Variants in TAFA4 observed in about 807,000 individuals in gnomAD.
TAFA4 encodes the protein TAFA chemokine like family member 4, also known as chemokine-like protein TAFA-4.
TAFA4 carries 20 observed loss-of-function variants against 21.1 expected under a neutral mutation model. The observed-to-expected ratio is 0.95, with a 90% confidence interval of 0.67 to 1.38. The LOEUF (loss-of-function observed/expected upper bound fraction) is 1.38. Among genes scored for constraint, TAFA4 ranks in the 40% most tolerant of loss-of-function variants. The pLI, the probability that TAFA4 is intolerant of heterozygous loss-of-function variation, is 0.00. For missense variants in TAFA4, 211 were observed against 180.9 expected (o/e 1.17, Z -0.95); for synonymous variants, 71 against 67.4 (o/e 1.05, Z -0.26).
intron 3 of TAFA4, among the ~76,000 whole-genome samples, chr3:68,832,198 T>A (rs1330614748): frequency 1.3e-5 from 2 of 152,192 alleles, no homozygotes; most frequent in African/African-American, 4.8e-5. Flanking sequence ...TCAAACTCAT[T>A]CTCTGTCCAG....
chr3:68,892,131 T>C (rs1350796258), intron 1 of TAFA4, among the ~76,000 whole-genome samples: 1 of 152,192 alleles, frequency 6.6e-6, no homozygotes, highest in Non-Finnish European at 1.5e-5. Context: ...TGATCACATA[T>C]GTGGAATTAC....
intron 3 of TAFA4, among the ~76,000 whole-genome samples, chr3:68,878,745 A>T (rs766251142): frequency 2.0e-5 from 3 of 152,142 alleles, no homozygotes; most frequent in Non-Finnish European, 2.9e-5. Flanking sequence ...AAAAACAACA[A>T]AACCTGTCTT....
At chr3:68,910,430 C>A (rs1440933117) in intron 1 of TAFA4, among the ~76,000 whole-genome samples, 1 of 152,134 alleles carries the variant, frequency 6.6e-6, no homozygotes, top group East Asian at 1.9e-4. Context: ...AGGATGTAAC[C>A]AGAGTCAGGT....
chr3:68,783,775 C>G (rs1209545282), intron 3 of TAFA4, among the ~76,000 whole-genome samples: 3 of 141,054 alleles, frequency 2.1e-5, no homozygotes, highest in African/African-American at 5.6e-5. Context: ...AACAAAGAAA[C>G]AAAGAAAAAG....
At chr3:68,912,236 C>T (rs1013918318) in intron 1 of TAFA4, among the ~76,000 whole-genome samples, 1 of 152,142 alleles carries the variant, frequency 6.6e-6, no homozygotes, top group African/African-American at 2.4e-5. Flanking sequence ...ACAGGGAAGA[C>T]CTGAAAACCA....
intron 4 of TAFA4, among the ~76,000 whole-genome samples, chr3:68,742,009 T>C (rs1045973625): frequency 4.6e-5 from 7 of 152,108 alleles, no homozygotes; most frequent in African/African-American, 1.7e-4. Context: ...GAACATCACA[T>C]TAAGAGGATC....
At chr3:68,733,767 T>G (rs1052391190) in intron 5 of TAFA4, among the ~76,000 whole-genome samples, 4 of 152,188 alleles carry the variant, frequency 2.6e-5, no homozygotes, top group African/African-American at 9.6e-5. Flanking sequence ...GACTTTAACA[T>G]GCCTACACCA....
intron 3 of TAFA4, among the ~76,000 whole-genome samples, chr3:68,804,182 G>A (rs969711259): frequency 5.3e-5 from 8 of 151,934 alleles, no homozygotes; most frequent in South Asian, 2.1e-4. Context: ...ACCCCTTAAG[G>A]AAAACATAAA....
intron 3 of TAFA4, among the ~76,000 whole-genome samples, chr3:68,807,527 A>G (rs1161518116): frequency 1.3e-5 from 2 of 151,880 alleles, no homozygotes; most frequent in Non-Finnish European, 2.9e-5. Flanking sequence ...GGAGTCCTGC[A>G]AAATGAAGAA....
At chr3:68,734,395 C>CGTAGTAT (rs1702203399) in intron 5 of TAFA4, among the ~76,000 whole-genome samples, 1 of 151,676 alleles carries the variant, frequency 6.6e-6, no homozygotes, top group Non-Finnish European at 1.5e-5. Flanking sequence ...TAAGGTAGTA[C>CGTAGTAT]GATACAGGAA....
chr3:68,745,546 A>G (rs569306570), intron 4 of TAFA4, among the ~76,000 whole-genome samples: 1 of 152,194 alleles, frequency 6.6e-6, no homozygotes, highest in Non-Finnish European at 1.5e-5. Flanking sequence ...ATAAAAAGAC[A>G]GTGACGCCCT....
At chr3:68,806,942 C>G (rs1703715057) in intron 3 of TAFA4, among the ~76,000 whole-genome samples, 1 of 152,168 alleles carries the variant, frequency 6.6e-6, no homozygotes, top group Admixed American at 6.6e-5. Context: ...AAGGCATTTA[C>G]TGAGTGCTAA....
At chr3:68,887,513 C>T (rs1236290784) in intron 1 of TAFA4, among the ~76,000 whole-genome samples, 1 of 152,100 alleles carries the variant, frequency 6.6e-6, no homozygotes, top group Non-Finnish European at 1.5e-5. Context: ...TGTGGTGGCT[C>T]CTCCCTTGTA....
intron 4 of TAFA4, among the ~76,000 whole-genome samples, chr3:68,751,856 CAA>C (rs1406048432): frequency 6.6e-6 from 1 of 152,132 alleles, no homozygotes; most frequent in Admixed American, 6.5e-5. Context: ...AAAATATGAG[CAA>C]AGTCTGAATT....
At chr3:68,746,695 T>G (rs1054038288) in intron 4 of TAFA4, among the ~76,000 whole-genome samples, 1 of 152,178 alleles carries the variant, frequency 6.6e-6, no homozygotes, top group African/African-American at 2.4e-5. Context: ...GTTCACACAT[T>G]CTGCAAGTAA....
chr3:68,765,737 GGACACATCAGCTGTT>G (rs1702841232), intron 3 of TAFA4, among the ~76,000 whole-genome samples: 1 of 152,160 alleles, frequency 6.6e-6, no homozygotes, highest in Non-Finnish European at 1.5e-5. Flanking sequence ...GTACAGAAGT[GGACACATCAGCTGTT>G]GACAGACATT....
intron 3 of TAFA4, among the ~76,000 whole-genome samples, chr3:68,870,567 A>C (rs770187661): frequency 5.3e-5 from 8 of 151,978 alleles, no homozygotes; most frequent in Non-Finnish European, 8.8e-5. Flanking sequence ...CAGCCAACTC[A>C]TTTTTTTAAT....
At chr3:68,836,950 T>C (rs1178627483) in intron 3 of TAFA4, among the ~76,000 whole-genome samples, 1 of 152,226 alleles carries the variant, frequency 6.6e-6, no homozygotes, top group Non-Finnish European at 1.5e-5. Flanking sequence ...AGAACAGTGA[T>C]GATAATCGGT....
intron 3 of TAFA4, among the ~76,000 whole-genome samples, chr3:68,815,011 A>T (rs111811237): frequency 0.36 from 54,895 of 151,988 alleles, 10,864 homozygotes; most frequent in Non-Finnish European, 0.45. Flanking sequence ...ATAATGCCAC[A>T]TATCTATAAC....
Sources: allele counts gnomAD v4.1 joint callset (sites outside exome capture counted in the v4.1 genomes callset), GRCh38; gene constraint gnomAD v4.1.1; transcripts MANE v1.5; gene names NCBI Gene and HGNC (gene_info 2026-07-23, HGNC 2026-07-21).